GAS2: variants seen among roughly 807,000 people sequenced by gnomAD.
GAS2 encodes growth arrest specific 2.
Under a neutral mutation model 37.5 loss-of-function variants are expected in GAS2, and 20 were observed. That is an observed-to-expected ratio of 0.53 (90% CI 0.37 to 0.77). The LOEUF is 0.77. Ranked by LOEUF, GAS2 falls within the 30% of genes least tolerant of loss-of-function variation. The probability of loss-of-function intolerance (pLI) is 0.00; values close to 1 mark genes in which losing one functional copy is unlikely to be tolerated. For synonymous variants in GAS2, 144 were observed against 132.2 expected, an observed-to-expected ratio of 1.09 and a Z score of -0.61; for missense variants, 336 against 373.4, an observed-to-expected ratio of 0.90 and a Z score of 0.82.
At chr11:22,765,291 G>A (rs770111019) in intron 7 of GAS2, among the ~76,000 whole-genome samples, 2 of 152,118 alleles carry the variant, frequency 1.3e-5, no homozygotes, top group African/African-American at 2.4e-5. Context: ...ATAGTGAAAA[G>A]CAACAATATA....
At chr11:22,704,600 T>C (rs1005606747) in intron 3 of GAS2, among the ~76,000 whole-genome samples, 2 of 139,700 alleles carry the variant, frequency 1.4e-5, no homozygotes, top group African/African-American at 2.6e-5. Flanking sequence ...TATATATATA[T>C]ATATATATAT....
At chr11:22,774,536 C>G (rs1224885283) in intron 7 of GAS2, among the ~76,000 whole-genome samples, 3 of 152,110 alleles carry the variant, frequency 2.0e-5, no homozygotes, top group Non-Finnish European at 4.4e-5. Context: ...GTAACAACTC[C>G]TAGATTTTTT....
chr11:22,674,602 T>A (rs1038618042), intron 1 of GAS2, among the ~76,000 whole-genome samples: 2 of 152,242 alleles, frequency 1.3e-5, no homozygotes, highest in African/African-American at 4.8e-5. Flanking sequence ...TATTGTTTCA[T>A]ACAAACTTGG....
intron 7 of GAS2, among the ~76,000 whole-genome samples, chr11:22,803,709 T>A (rs1856763952): frequency 6.6e-6 from 1 of 152,124 alleles, no homozygotes; most frequent in South Asian, 2.1e-4. Flanking sequence ...AAAGAAGTAT[T>A]ATATGATAAC....
In GAS2 at chr11:22,666,716, A is replaced by G. The variant is rs1161779563; in HGVS notation, c.-204A>G. The G allele has an allele frequency of 6.6e-6, 1 of 152,514 alleles. No individual in the cohort carries two copies. Among genetic ancestry groups the G allele is most frequent in the Non-Finnish European group, 1.5e-5 (1 of 68,252 alleles). The allele number at this position is 152,514 out of a possible 1,614,324, so 9.4% of individuals were successfully genotyped here. A position where few individuals can be genotyped will look rare whatever the true frequency, so the allele number is the denominator to read the frequency against. ...CCAAACAGCACTAAAAGGAGCCATC[A>G]GAGAAGTATGAAGAGGGGTAGTGCG... is the stretch of plus-strand genomic sequence containing the variant. On this transcript the variant is annotated 5_prime_UTR_variant, in exon 1 of 8. Coordinates refer to ENST00000454584, the MANE Select transcript of GAS2 (RefSeq NM_001143830.3).
chr11:22,635,506 T>A (rs1858809638), intron 1 of GAS2, among the ~76,000 whole-genome samples: 1 of 152,192 alleles, frequency 6.6e-6, no homozygotes, highest in Non-Finnish European at 1.5e-5. Context: ...TGCTCAGCAC[T>A]CAAAACTGCC....
chr11:22,808,126 G>A (rs1451851539), intron 7 of GAS2, among the ~76,000 whole-genome samples: 2 of 152,210 alleles, frequency 1.3e-5, no homozygotes, highest in East Asian at 3.9e-4. Flanking sequence ...TTCAAAATGA[G>A]AAAACAGCAA....
At position 22,781,782 on chromosome 11, in the gene GAS2, T is replaced by G. The variant is rs139528014; in HGVS notation, c.723+25829T>G. ...GGAATTGTTTTTTATGATACTGTAA[T>G]GTAACAAAGCAGTTCCCCTCTAGGA... On this transcript the variant is annotated intron_variant, in intron 7 of 7. Coordinates refer to ENST00000454584, the MANE Select transcript of GAS2 (RefSeq NM_001143830.3). Among the ~76,000 whole-genome samples, 182 of 151,986 alleles carry G rather than the reference T, an allele frequency of 1.2e-3. 1 individual carries two copies. The highest frequency in any genetic ancestry group is 4.1e-3 in the African/African-American group (171 of 41,278).
At chr11:22,656,620 G>T (rs1398800519) in intron 1 of GAS2, among the ~76,000 whole-genome samples, 1 of 152,178 alleles carries the variant, frequency 6.6e-6, no homozygotes, top group East Asian at 1.9e-4. Flanking sequence ...AAAAGGTAAA[G>T]CAGCATTAAC....
At chr11:22,641,584 G>A (rs547708245) in intron 1 of GAS2, among the ~76,000 whole-genome samples, 74 of 151,338 alleles carry the variant, frequency 4.9e-4, no homozygotes, top group South Asian at 2.1e-3. Flanking sequence ...CAACTGTAGG[G>A]GCCTCCTGAT....
chr11:22,700,836 T>G (rs1287325557), intron 3 of GAS2, among the ~76,000 whole-genome samples: 1 of 152,118 alleles, frequency 6.6e-6, no homozygotes, highest in Non-Finnish European at 1.5e-5. Context: ...AAAATTAAAT[T>G]GTAGGGCTTT....
intron 3 of GAS2, among the ~76,000 whole-genome samples, chr11:22,720,670 GA>G (rs1178287501): frequency 1.3e-5 from 2 of 151,958 alleles, no homozygotes; most frequent in Admixed American, 6.6e-5. Flanking sequence ...CTTTGGAAAA[GA>G]AAAAATATTA....
intron 7 of GAS2, among the ~76,000 whole-genome samples, chr11:22,756,983 A>G (rs1854079085): frequency 1.3e-5 from 2 of 152,114 alleles, no homozygotes; most frequent in Non-Finnish European, 2.9e-5. Context: ...AGTGATCTAG[A>G]ATCTCCACAG....
intron 3 of GAS2, among the ~76,000 whole-genome samples, chr11:22,717,323 A>G (rs1051456531): frequency 4.6e-5 from 7 of 152,212 alleles, no homozygotes; most frequent in Non-Finnish European, 8.8e-5. Context: ...AACAAAATAT[A>G]TAACCCATAA....
At chr11:22,735,598 A>G (rs1317459986) in intron 4 of GAS2, among the ~76,000 whole-genome samples, 1 of 151,908 alleles carries the variant, frequency 6.6e-6, no homozygotes, top group Non-Finnish European at 1.5e-5. Flanking sequence ...GAAGAAGCAA[A>G]GAAATACACA....
chr11:22,769,822 T>A (rs1350552429), intron 7 of GAS2, among the ~76,000 whole-genome samples: 1 of 152,234 alleles, frequency 6.6e-6, no homozygotes, highest in Non-Finnish European at 1.5e-5. Flanking sequence ...TTACATTTTT[T>A]AATTACAACC....
At chr11:22,656,639 A>G (rs1224995761) in intron 1 of GAS2, among the ~76,000 whole-genome samples, 1 of 152,250 alleles carries the variant, frequency 6.6e-6, no homozygotes, top group African/African-American at 2.4e-5. Flanking sequence ...ACATATAAAA[A>G]TCATCCCCAT....
intron 4 of GAS2, among the ~76,000 whole-genome samples, chr11:22,729,659 T>C (rs954863293): frequency 6.6e-6 from 1 of 151,562 alleles, no homozygotes; most frequent in African/African-American, 2.4e-5. Context: ...CTTATAAAAA[T>C]CCAATTAAGA....
intron 3 of GAS2, among the ~76,000 whole-genome samples, chr11:22,711,575 T>G (rs1210052631): frequency 6.6e-6 from 1 of 152,230 alleles, no homozygotes; most frequent in Non-Finnish European, 1.5e-5. Flanking sequence ...AGAGCCCTGC[T>G]TGCTTTCTCA....
Sources: gnomAD v4.1 joint callset for allele counts (sites outside exome capture counted in the v4.1 genomes callset) on GRCh38, gnomAD v4.1.1 for gene constraint, MANE v1.5 for transcripts, NCBI Gene and HGNC (gene_info 2026-07-23, HGNC 2026-07-21) for gene names.